The following PTH2R variants were observed in gnomAD, a reference collection of about 807,000 sequenced individuals.
The protein encoded by PTH2R is PTH2 receptor.
PTH2R carries 59 observed loss-of-function variants against 60.3 expected under a neutral mutation model. That is an observed-to-expected ratio of 0.98 (90% CI 0.79 to 1.22). The LOEUF is 1.22. Ranked by LOEUF, PTH2R falls within the 50% of genes most tolerant of loss-of-function variation. PTH2R has a pLI of 0.00. For missense variants in PTH2R, 749 were observed against 682.6 expected (o/e 1.10, Z -1.08); for synonymous variants, 256 against 243.8 (o/e 1.05, Z -0.47).
At chr2:208,447,627 A>G (rs1221117189) in intron 7 of PTH2R, among the ~76,000 whole-genome samples, 1 of 149,724 alleles carries the variant, frequency 6.7e-6, no homozygotes, top group East Asian at 1.9e-4. Context: ...ATAAATAAAT[A>G]AATAAATAAA....
chr2:208,439,211 T>A (rs1211945187), intron 4 of PTH2R, among the ~76,000 whole-genome samples: 1 of 152,144 alleles, frequency 6.6e-6, no homozygotes, highest in East Asian at 1.9e-4. Context: ...GTGATTACTG[T>A]GTATTTTAAG....
At chr2:208,387,631 G>T (rs1701026209) in intron 1 of PTH2R, among the ~76,000 whole-genome samples, 1 of 152,130 alleles carries the variant, frequency 6.6e-6, no homozygotes, top group African/African-American at 2.4e-5. Flanking sequence ...CCAATTAGAT[G>T]ATCATTTTCC....
At chr2:208,430,386 C>T (rs1184916982) in intron 2 of PTH2R, among the ~76,000 whole-genome samples, 3 of 151,752 alleles carry the variant, frequency 2.0e-5, no homozygotes, top group Admixed American at 6.6e-5. Context: ...ATTTTGGTGT[C>T]AACCTTGAAA....
intron 1 of PTH2R, chr2:208,361,101 A>C (rs1358031396): frequency 5.6e-6 from 1 of 177,136 alleles, no homozygotes; most frequent in African/African-American, 2.4e-5. Flanking sequence ...TGGGCCCAGC[A>C]CACACAGCAG....
At chr2:208,382,782 T>G (rs1700939578) in intron 1 of PTH2R, among the ~76,000 whole-genome samples, 1 of 152,244 alleles carries the variant, frequency 6.6e-6, no homozygotes, top group South Asian at 2.1e-4. Context: ...TGTCTGTCTC[T>G]GTCACCCCAG....
chr2:208,454,097 T>C (rs964592413), intron 8 of PTH2R, among the ~76,000 whole-genome samples: 1 of 152,146 alleles, frequency 6.6e-6, no homozygotes, highest in African/African-American at 2.4e-5. Flanking sequence ...AAATGGACTT[T>C]GGCCAGAGCC....
intron 2 of PTH2R, among the ~76,000 whole-genome samples, chr2:208,431,246 T>C (rs1164216704): frequency 3.3e-5 from 5 of 152,236 alleles, no homozygotes; most frequent in Non-Finnish European, 7.3e-5. Context: ...ATTTTTATTT[T>C]CTGAAGTCTT....
chr2:208,430,756 G>A (rs571308641), intron 2 of PTH2R, among the ~76,000 whole-genome samples: 1 of 151,844 alleles, frequency 6.6e-6, no homozygotes, highest in South Asian at 2.1e-4. Flanking sequence ...TAGTAGAGAC[G>A]GGGTTTCACC....
intron 1 of PTH2R, among the ~76,000 whole-genome samples, chr2:208,415,872 A>G (rs1280092104): frequency 6.6e-6 from 1 of 152,214 alleles, no homozygotes; most frequent in Non-Finnish European, 1.5e-5. Context: ...CCAATGGTGA[A>G]TTAATAAATG....
chr2:208,403,449 A>T (rs1046486630), upstream of PTH2R, among the ~76,000 whole-genome samples: 11 of 152,214 alleles, frequency 7.2e-5, no homozygotes, highest in Non-Finnish European at 1.5e-4. Flanking sequence ...AGGTACAAAA[A>T]GCAGAAGGGG....
chr2:208,459,860 A>G, intron 8 of PTH2R, 35 bp from the exon 9 acceptor site: 1 of 1,603,232 alleles, frequency 6.2e-7, no homozygotes, highest in Non-Finnish European at 8.5e-7. Flanking sequence ...TTGCTTTGCC[A>G]ATTTATTCAT....
intron 2 of PTH2R, among the ~76,000 whole-genome samples, chr2:208,436,834 CA>C (rs781111290): frequency 2.0e-5 from 3 of 151,424 alleles, no homozygotes; most frequent in African/African-American, 7.3e-5. Flanking sequence ...TTGAGAACTA[CA>C]AAAAAAAGGG....
rs115516731 is a variant in PTH2R at position 208,491,203 on chromosome 2, A to G, written c.1257+523A>G. On this transcript the variant is annotated intron_variant, in intron 12 of 12. Transcript: ENST00000272847. Reference sequence around the variant, plus strand: ...ATGAGCTGCCATGTTTCTTCTCTCAAATTTTAAGCTTGCTGCAGGCCCCAG... The same window carrying G: ...ATGAGCTGCCATGTTTCTTCTCTCAGATTTTAAGCTTGCTGCAGGCCCCAG... Among the ~76,000 whole-genome samples, 1,027 of 152,292 alleles carry G rather than the reference A, an allele frequency of 6.7e-3. 10 individuals carry two copies. The highest frequency in any genetic ancestry group is 0.023 in the African/African-American group (957 of 41,552).
intron 10 of PTH2R, 96 bp from the exon 11 acceptor site, chr2:208,488,916 C>A: frequency 1.6e-6 from 2 of 1,276,554 alleles, no homozygotes; most frequent in East Asian, 2.4e-5. Flanking sequence ...GCCCCACCCC[C>A]ATTAGCTCTG....
At chr2:208,454,302 CAT>C (rs1165002565) in intron 8 of PTH2R, among the ~76,000 whole-genome samples, 20 of 152,126 alleles carry the variant, frequency 1.3e-4, no homozygotes, top group Admixed American at 1.2e-3. Context: ...CCAAAATTCA[CAT>C]GTTAAAGCCC....
At chr2:208,431,051 TAAG>T (rs1298842842) in intron 2 of PTH2R, among the ~76,000 whole-genome samples, 5 of 152,318 alleles carry the variant, frequency 3.3e-5, no homozygotes, top group African/African-American at 1.2e-4. Context: ...TCTGGAACTT[TAAG>T]AAGACAAATA....
intron 1 of PTH2R, among the ~76,000 whole-genome samples, chr2:208,411,189 T>A (rs1318930103): frequency 1.3e-5 from 2 of 152,180 alleles, no homozygotes; most frequent in East Asian, 1.9e-4. Flanking sequence ...GAGGTTGCAG[T>A]GAGCTGAGAT....
At chr2:208,361,077 G>T in intron 1 of PTH2R, 1 of 192,004 alleles carries the variant, frequency 5.2e-6, no homozygotes, top group Non-Finnish European at 1.1e-5. Context: ...GCCGCCCACA[G>T]CAAACTTGTC....
chr2:208,455,312 T>C (rs1428835001), intron 8 of PTH2R, among the ~76,000 whole-genome samples: 1 of 152,176 alleles, frequency 6.6e-6, no homozygotes, highest in African/African-American at 2.4e-5. Context: ...TTAGAGATGA[T>C]AGGACTTAAG....
Sources: gnomAD v4.1 joint callset for allele counts (sites outside exome capture counted in the v4.1 genomes callset) on GRCh38, gnomAD v4.1.1 for gene constraint, MANE v1.5 for transcripts, NCBI Gene and HGNC (gene_info 2026-07-23, HGNC 2026-07-21) for gene names.